TTC28: variants seen among roughly 807,000 people sequenced by gnomAD.
TTC28 encodes tetratricopeptide repeat protein 28.
Under a neutral mutation model 198.0 loss-of-function variants are expected in TTC28, and 61 were observed. That is an observed-to-expected ratio of 0.31 (90% CI 0.25 to 0.38). The LOEUF (loss-of-function observed/expected upper bound fraction) is 0.38, where lower values mean the gene tolerates loss of function less well. TTC28 is among the 10% of genes least tolerant of loss of function. The pLI is 1.00. For missense variants in TTC28, 2,678 were observed against 3,164.0 expected, an observed-to-expected ratio of 0.85 and a Z score of 3.69; for synonymous variants, 1,171 against 1,297.8, an observed-to-expected ratio of 0.90 and a Z score of 2.10.
intron 2 of TTC28, among the ~76,000 whole-genome samples, chr22:28,519,167 A>T (rs920932637): frequency 3.3e-5 from 5 of 152,236 alleles, no homozygotes; most frequent in African/African-American, 7.2e-5. Flanking sequence ...GTAACAAAGA[A>T]GATGACTGAA....
At chr22:28,052,568 C>A (rs1000292578) in intron 12 of TTC28, among the ~76,000 whole-genome samples, 1 of 152,096 alleles carries the variant, frequency 6.6e-6, no homozygotes, top group Admixed American at 6.5e-5. Flanking sequence ...ATTCCTTATG[C>A]CAAGGATACT....
chr22:28,035,050 A>C (rs1939280186), intron 12 of TTC28, among the ~76,000 whole-genome samples: 1 of 152,150 alleles, frequency 6.6e-6, no homozygotes, highest in Non-Finnish European at 1.5e-5. Context: ...TTTCATTTGC[A>C]AGCATGGCCA....
At chr22:28,168,850 C>A (rs892003882) in intron 5 of TTC28, among the ~76,000 whole-genome samples, 14 of 152,138 alleles carry the variant, frequency 9.2e-5, no homozygotes, top group Admixed American at 6.5e-4. Flanking sequence ...AGAGCTTCTG[C>A]ACAGCAAAAG....
chr22:28,470,291 T>C (rs941886284), intron 2 of TTC28, among the ~76,000 whole-genome samples: 2 of 152,236 alleles, frequency 1.3e-5, no homozygotes, highest in Admixed American at 6.5e-5. Flanking sequence ...AACTACTTTC[T>C]ATTTCATTCT....
intron 5 of TTC28, among the ~76,000 whole-genome samples, chr22:28,228,871 C>A (rs772174111): frequency 2.6e-5 from 4 of 151,934 alleles, no homozygotes; most frequent in Non-Finnish European, 5.9e-5. Context: ...AAAAACTACA[C>A]CCCGGCGAGG....
chr22:28,576,173 GT>G (rs929626593), intron 2 of TTC28, among the ~76,000 whole-genome samples: 28 of 145,680 alleles, frequency 1.9e-4, no homozygotes, highest in East Asian at 4.0e-4. Context: ...TCTATGCCCA[GT>G]TTTTTTTTTT....
chr22:28,294,887 C>T (rs763216505), intron 5 of TTC28, among the ~76,000 whole-genome samples: 1 of 152,140 alleles, frequency 6.6e-6, no homozygotes, highest in Non-Finnish European at 1.5e-5. Context: ...ATATTTATAG[C>T]AATCTGTCCC....
chr22:28,246,420 C>CT (rs894945955), intron 5 of TTC28, among the ~76,000 whole-genome samples: 2 of 152,104 alleles, frequency 1.3e-5, no homozygotes, highest in Non-Finnish European at 2.9e-5. Context: ...GACTCTAAGG[C>CT]TTTTTTCTGG....
intron 5 of TTC28, among the ~76,000 whole-genome samples, chr22:28,279,113 C>G (rs1324159562): frequency 6.6e-6 from 1 of 152,052 alleles, no homozygotes; most frequent in East Asian, 1.9e-4. Flanking sequence ...AAGATACAGT[C>G]AAAAGAACTG....
intron 5 of TTC28, among the ~76,000 whole-genome samples, chr22:28,202,813 A>T (rs1926089376): frequency 6.6e-6 from 1 of 152,120 alleles, no homozygotes; most frequent in Admixed American, 6.6e-5. Flanking sequence ...GAGAAAGTAT[A>T]AAAAATAACA....
At chr22:28,310,898 G>T (rs191469281) in intron 2 of TTC28, among the ~76,000 whole-genome samples, 76 of 151,684 alleles carry the variant, frequency 5.0e-4, no homozygotes, top group African/African-American at 1.8e-3. Context: ...TCCTGCCTCA[G>T]CCTCCCAAGT....
chr22:28,612,882 A>C (rs914862257), intron 2 of TTC28, among the ~76,000 whole-genome samples: 3 of 152,208 alleles, frequency 2.0e-5, no homozygotes, highest in Non-Finnish European at 2.9e-5. Context: ...AAAAAGCAAA[A>C]AATATCTAAA....
chr22:28,055,191 A>G (rs1028710940), intron 12 of TTC28, among the ~76,000 whole-genome samples: 2 of 152,170 alleles, frequency 1.3e-5, no homozygotes, highest in Non-Finnish European at 2.9e-5. Flanking sequence ...CTGAGCCCCC[A>G]TGCAGCGAAA....
intron 12 of TTC28, among the ~76,000 whole-genome samples, chr22:28,042,334 T>C (rs1215060365): frequency 6.6e-6 from 1 of 152,002 alleles, no homozygotes; most frequent in Non-Finnish European, 1.5e-5. Flanking sequence ...CCAACCCTAA[T>C]GTCCAACAAT....
At chr22:28,245,911 C>T (rs922913710) in intron 5 of TTC28, among the ~76,000 whole-genome samples, 10 of 152,138 alleles carry the variant, frequency 6.6e-5, no homozygotes, top group Admixed American at 2.6e-4. Context: ...TTCATGAATA[C>T]GTCTTGAATT....
intron 1 of TTC28, among the ~76,000 whole-genome samples, chr22:28,656,694 C>CT (rs1299141734): frequency 6.6e-6 from 1 of 152,178 alleles, no homozygotes; most frequent in Non-Finnish European, 1.5e-5. Flanking sequence ...AGTTAATCAT[C>CT]TCGTGCTACT....
At position 28,591,028 on chromosome 22, in the gene TTC28, CACACACACACACATATATATATAT is replaced by C. The variant is rs1224981368; in HGVS notation, c.381+38500_381+38523del. ...CCTCAAACACACACACACACACACA[CACACACACACACATATATATATAT>C]ATATATATATATATATATATATATA... On this transcript the variant is annotated intron_variant, in intron 2 of 22. Transcript: ENST00000397906. Among the ~76,000 whole-genome samples the C allele has an allele frequency of 3.7e-4, 29 of 77,356 alleles. No individual in the cohort carries two copies. The East Asian group carries it at 4.0e-3, about 11-fold the overall frequency. The allele number at this position is 77,356 out of a possible 152,430, so 50.7% of individuals were successfully genotyped here. A position where few individuals can be genotyped will look rare whatever the true frequency, so the allele number is the denominator to read the frequency against.
In TTC28 at chr22:28,482,455, G is replaced by A. The variant is rs534884774; in HGVS notation, c.381+147097C>T. On this transcript the variant is annotated intron_variant, in intron 2 of 22. Coordinates refer to ENST00000397906, the MANE Select transcript of TTC28 (RefSeq NM_001145418.2). ...GATCTCCTGACCTCGTGATCCACCC[G>A]CCTTGGCTTCCCAAAGTGCTAAGAT... 3.3e-5 allele frequency among the ~76,000 whole-genome samples: 5 copies of A among 151,912 alleles called. No homozygotes were observed. The South Asian group carries it at 8.3e-4, about 25-fold the overall frequency.
chr22:28,051,517 T>C lies in TTC28; in HGVS notation c.3933-21151A>G, dbSNP rs563629584. ...AAGAATATTTCCTTCTCTCTCTAAT[T>C]GGATTTCTACAAGGATCTGTTTCCC... is the stretch of plus-strand genomic sequence containing the variant. On this transcript the variant is annotated intron_variant, in intron 12 of 22. Transcript: ENST00000397906. Among the ~76,000 whole-genome samples the C allele has an allele frequency of 2.6e-5, 4 of 152,286 alleles. No homozygotes were observed. In the East Asian group the frequency reaches 7.7e-4, roughly 29 times the overall value.
Sources: gnomAD v4.1 joint callset for allele counts (sites outside exome capture counted in the v4.1 genomes callset) on GRCh38, gnomAD v4.1.1 for gene constraint, MANE v1.5 for transcripts, NCBI Gene and HGNC (gene_info 2026-07-23, HGNC 2026-07-21) for gene names.